The following RBFOX1 variants were observed in gnomAD, a reference collection of about 807,000 sequenced individuals.
RBFOX1 encodes RNA binding protein fox-1 homolog 1.
In RBFOX1, 8 loss-of-function variants were observed where a neutral mutation model predicts 57.7. That is an observed-to-expected ratio of 0.14 (90% CI 0.08 to 0.25). The LOEUF is 0.25. Ranked by LOEUF, RBFOX1 falls within the 10% of genes least tolerant of loss-of-function variation. RBFOX1 has a pLI of 1.00. For synonymous variants in RBFOX1, 326 were observed against 222.4 expected (o/e 1.47, Z -4.15); for missense variants, 611 against 548.5 (o/e 1.11, Z -1.14).
At chr16:5,351,583 T>A (rs1252285012) in intron 1 of RBFOX1, among the ~76,000 whole-genome samples, 1 of 152,136 alleles carries the variant, frequency 6.6e-6, no homozygotes, top group Admixed American at 6.5e-5. Flanking sequence ...TGACAAAAAA[T>A]TTCATTGCAA....
At chr16:7,343,778 C>G (rs1299911897) in intron 4 of RBFOX1, among the ~76,000 whole-genome samples, 2 of 152,058 alleles carry the variant, frequency 1.3e-5, no homozygotes, top group Non-Finnish European at 1.5e-5. Context: ...GCCTCCACCT[C>G]TGGGACCTTG....
At chr16:6,568,237 C>T (rs186843497) in intron 2 of RBFOX1, among the ~76,000 whole-genome samples, 1 of 152,138 alleles carries the variant, frequency 6.6e-6, no homozygotes, top group African/African-American at 2.4e-5. Flanking sequence ...GCTCTAGTTT[C>T]CTTGTGAGGT....
chr16:6,802,994 C>A (rs1394731546), intron 3 of RBFOX1, among the ~76,000 whole-genome samples: 1 of 152,138 alleles, frequency 6.6e-6, no homozygotes, highest in Non-Finnish European at 1.5e-5. Context: ...CTAATCTGTT[C>A]TAAAAGTCTT....
chr16:6,046,257 G>T (rs531465977), intron 1 of RBFOX1, among the ~76,000 whole-genome samples: 24 of 152,302 alleles, frequency 1.6e-4, no homozygotes, highest in Non-Finnish European at 2.9e-4. Flanking sequence ...GTGGCAGTAG[G>T]AATGGATATA....
chr16:6,776,507 C>A (rs1367183589), intron 3 of RBFOX1, among the ~76,000 whole-genome samples: 1 of 152,188 alleles, frequency 6.6e-6, no homozygotes, highest in Non-Finnish European at 1.5e-5. Flanking sequence ...AATTAAAACA[C>A]ATAGAAGAGG....
chr16:6,551,621 C>G (rs972777889), intron 2 of RBFOX1, among the ~76,000 whole-genome samples: 2 of 152,032 alleles, frequency 1.3e-5, no homozygotes, highest in Admixed American at 6.5e-5. Context: ...GTTAAGAACA[C>G]TTAAAATAAG....
chr16:6,988,046 A>G (rs931166521), intron 3 of RBFOX1, among the ~76,000 whole-genome samples: 2 of 152,182 alleles, frequency 1.3e-5, no homozygotes, highest in Admixed American at 1.3e-4. Context: ...TGGAAATGCT[A>G]TTAGTTACCC....
chr16:6,727,713 G>T (rs749240231), intron 3 of RBFOX1, among the ~76,000 whole-genome samples: 1 of 152,172 alleles, frequency 6.6e-6, no homozygotes, highest in Non-Finnish European at 1.5e-5. Context: ...CTATCAAATG[G>T]GCTCACACGT....
At chr16:7,614,142 C>T (rs1359092803) in intron 10 of RBFOX1, 3 of 152,188 alleles carry the variant, frequency 2.0e-5, no homozygotes, top group Admixed American at 1.3e-4. Flanking sequence ...AACCATTGAC[C>T]TTTGGCTCTG....
At chr16:5,337,594 A>C (rs1318166820) in intron 1 of RBFOX1, among the ~76,000 whole-genome samples, 2 of 152,218 alleles carry the variant, frequency 1.3e-5, no homozygotes, top group Non-Finnish European at 2.9e-5. Flanking sequence ...TGTTTTTAAA[A>C]ATAAATATTG....
chr16:7,677,696 T>C (rs1319343340), intron 14 of RBFOX1, among the ~76,000 whole-genome samples: 4 of 152,244 alleles, frequency 2.6e-5, no homozygotes, highest in African/African-American at 9.6e-5. Flanking sequence ...GTTCAGATGC[T>C]CTGCATGCAC....
intron 2 of RBFOX1, among the ~76,000 whole-genome samples, chr16:6,347,774 A>G (rs2152838851): frequency 6.6e-6 from 1 of 152,334 alleles, no homozygotes; most frequent in African/African-American, 2.4e-5. Context: ...ATCAAAATTG[A>G]CAGTCTACCT....
intron 2 of RBFOX1, among the ~76,000 whole-genome samples, chr16:6,630,677 A>G (rs988414090): frequency 6.6e-6 from 1 of 152,194 alleles, no homozygotes. Context: ...TCCCTACAGC[A>G]TTTCTGTTAA....
intron 3 of RBFOX1, among the ~76,000 whole-genome samples, chr16:6,775,169 CAA>C (rs74584596): frequency 1.8e-4 from 15 of 84,084 alleles, no homozygotes; most frequent in African/African-American, 3.5e-4. Flanking sequence ...ACTAAAAGTA[CAA>C]AAAAAAAAAA....
chr16:5,450,542 G>A (rs1485454546), intron 1 of RBFOX1, among the ~76,000 whole-genome samples: 1 of 152,206 alleles, frequency 6.6e-6, no homozygotes, highest in Admixed American at 6.5e-5. Context: ...GCTGCTAGGA[G>A]AGGTTGAGCA....
chr16:6,654,497 C>G (rs1273532704), intron 2 of RBFOX1, 106 bp from the exon 3 acceptor site: 10 of 878,978 alleles, frequency 1.1e-5, no homozygotes, highest in African/African-American at 5.3e-5. Flanking sequence ...AGCATGAGCT[C>G]TTTATTATTT....
intron 1 of RBFOX1, among the ~76,000 whole-genome samples, chr16:6,178,241 C>G (rs1183433459): frequency 8.1e-6 from 1 of 123,974 alleles, no homozygotes; most frequent in Non-Finnish European, 1.6e-5. Context: ...GGCTGGAGTA[C>G]AGTGGTGAGA....
At chr16:7,512,873 C>G (rs1218423787) in intron 4 of RBFOX1, among the ~76,000 whole-genome samples, 5 of 152,236 alleles carry the variant, frequency 3.3e-5, no homozygotes, top group African/African-American at 9.6e-5. Flanking sequence ...ATATTTGAAT[C>G]AAATACCCTA....
At chr16:5,403,383 C>G (rs966107379) in intron 1 of RBFOX1, among the ~76,000 whole-genome samples, 23 of 141,930 alleles carry the variant, frequency 1.6e-4, no homozygotes, top group Middle Eastern at 7.6e-3. Context: ...AACAAACAAA[C>G]AAAAAAACCC....
Sources: gnomAD v4.1 joint callset for allele counts (sites outside exome capture counted in the v4.1 genomes callset) on GRCh38, gnomAD v4.1.1 for gene constraint, MANE v1.5 for transcripts, NCBI Gene and HGNC (gene_info 2026-07-23, HGNC 2026-07-21) for gene names.